REEP3: variants seen among roughly 807,000 people sequenced by gnomAD.
REEP3 encodes receptor accessory protein 3.
In REEP3, 20 loss-of-function variants were observed where a neutral mutation model predicts 41.3. That is an observed-to-expected ratio of 0.48 (90% CI 0.34 to 0.70). REEP3 has a LOEUF of 0.70. Among genes scored for constraint, REEP3 ranks in the 30% least tolerant of loss-of-function variants. The pLI is 0.01. For missense variants in REEP3, 271 were observed against 308.8 expected (o/e 0.88, Z 0.92); for synonymous variants, 104 against 101.8 (o/e 1.02, Z -0.13).
At chr10:63,547,043 T>G (rs1387543332) in intron 1 of REEP3, among the ~76,000 whole-genome samples, 1 of 152,080 alleles carries the variant, frequency 6.6e-6, no homozygotes, top group Non-Finnish European at 1.5e-5. Context: ...TGCCTCAGCC[T>G]CCCAAGTAGC....
At chr10:63,540,093 A>ATGTT (rs1200059144) in intron 1 of REEP3, among the ~76,000 whole-genome samples, 1 of 152,236 alleles carries the variant, frequency 6.6e-6, no homozygotes, top group Admixed American at 6.5e-5. Flanking sequence ...CTTAACAGTA[A>ATGTT]GCAACATTAG....
chr10:63,546,595 G>C (rs906244686), intron 1 of REEP3, among the ~76,000 whole-genome samples: 2 of 152,162 alleles, frequency 1.3e-5, no homozygotes, highest in Non-Finnish European at 2.9e-5. Flanking sequence ...AGTGGAATAA[G>C]TTACTTATAT....
chr10:63,537,266 A>G (rs1337438630), intron 1 of REEP3, among the ~76,000 whole-genome samples: 1 of 152,198 alleles, frequency 6.6e-6, no homozygotes, highest in Non-Finnish European at 1.5e-5. Flanking sequence ...ATGATTACCT[A>G]TGGTATGATA....
chr10:63,610,046 C>A, intron 5 of REEP3, 141 bp from the exon 6 acceptor site: 1 of 645,832 alleles, frequency 1.5e-6, no homozygotes, highest in Non-Finnish European at 2.5e-6. Context: ...AAGCAGATAC[C>A]GCAAAATGTA....
At chr10:63,533,525 C>T (rs1203404657) in intron 1 of REEP3, among the ~76,000 whole-genome samples, 3 of 151,768 alleles carry the variant, frequency 2.0e-5, no homozygotes, top group Non-Finnish European at 4.4e-5. Context: ...TTTCATCAAC[C>T]GTAGTTTTTT....
intron 1 of REEP3, among the ~76,000 whole-genome samples, chr10:63,545,016 A>G (rs1725346981): frequency 6.6e-6 from 1 of 152,104 alleles, no homozygotes; most frequent in African/African-American, 2.4e-5. Context: ...ATCATCTGCA[A>G]CTCTGGGGTA....
chr10:63,608,875 C>T (rs1448641914), intron 5 of REEP3, among the ~76,000 whole-genome samples: 1 of 152,106 alleles, frequency 6.6e-6, no homozygotes, highest in Non-Finnish European at 1.5e-5. Context: ...TGAAAAGTGG[C>T]TAGTGCAATT....
At chr10:63,529,445 T>TTTTA (rs1315315770) in intron 1 of REEP3, among the ~76,000 whole-genome samples, 2 of 143,504 alleles carry the variant, frequency 1.4e-5, no homozygotes, top group East Asian at 1.9e-4. Context: ...AATGTCATTC[T>TTTTA]TTTATTTATT....
intron 3 of REEP3, among the ~76,000 whole-genome samples, chr10:63,597,612 A>G (rs1056403316): frequency 6.6e-6 from 1 of 152,200 alleles, no homozygotes; most frequent in Non-Finnish European, 1.5e-5. Context: ...TGACTTTTAC[A>G]TTCAAAAACT....
intron 2 of REEP3, among the ~76,000 whole-genome samples, chr10:63,578,874 A>G (rs1025891251): frequency 2.0e-5 from 3 of 152,186 alleles, no homozygotes. Context: ...CACTGAATTC[A>G]TGTGTGCTTA....
At chr10:63,592,452 G>A (rs183391765) in intron 2 of REEP3, among the ~76,000 whole-genome samples, 4 of 152,024 alleles carry the variant, frequency 2.6e-5, no homozygotes, top group African/African-American at 9.7e-5. Flanking sequence ...TTTTGTTTTC[G>A]GTAAAGGGTT....
intron 6 of REEP3, among the ~76,000 whole-genome samples, chr10:63,612,747 C>T (rs896136645): frequency 7.9e-5 from 12 of 151,044 alleles, no homozygotes; most frequent in Admixed American, 1.3e-4. Flanking sequence ...GCCGAGATTG[C>T]GCCACTGTAG....
chr10:63,533,048 G>A (rs1038393477), intron 1 of REEP3, among the ~76,000 whole-genome samples: 3 of 152,188 alleles, frequency 2.0e-5, no homozygotes, highest in African/African-American at 7.2e-5. Context: ...TCCATATATT[G>A]AGGAAAACTT....
At chr10:63,536,623 T>C (rs1418490744) in intron 1 of REEP3, among the ~76,000 whole-genome samples, 1 of 151,756 alleles carries the variant, frequency 6.6e-6, no homozygotes, top group Admixed American at 6.6e-5. Context: ...ACTAATAAAG[T>C]ATAATAATCA....
intron 1 of REEP3, among the ~76,000 whole-genome samples, chr10:63,526,053 T>A (rs1955361659): frequency 6.6e-6 from 1 of 152,234 alleles, no homozygotes; most frequent in African/African-American, 2.4e-5. Flanking sequence ...CATGCTCTCC[T>A]AAAATCCCAG....
intron 2 of REEP3, among the ~76,000 whole-genome samples, chr10:63,594,265 G>T (rs1182534163): frequency 6.6e-6 from 1 of 151,436 alleles, no homozygotes; most frequent in African/African-American, 2.4e-5. Flanking sequence ...GTGCACACCT[G>T]TAGTCCCAGC....
At chr10:63,552,670 A>G (rs767929272) in intron 1 of REEP3, among the ~76,000 whole-genome samples, 53 of 152,138 alleles carry the variant, frequency 3.5e-4, no homozygotes, top group Non-Finnish European at 6.8e-4. Flanking sequence ...AATCACTTGT[A>G]TATGTTTCTT....
At chr10:63,553,957 C>G (rs553990497) in intron 1 of REEP3, among the ~76,000 whole-genome samples, 4 of 152,160 alleles carry the variant, frequency 2.6e-5, no homozygotes, top group Admixed American at 2.0e-4. Flanking sequence ...AAAAAATTAG[C>G]TGGGCGTGGT....
intron 6 of REEP3, among the ~76,000 whole-genome samples, chr10:63,618,125 T>G (rs1288015399): frequency 6.6e-6 from 1 of 150,468 alleles, no homozygotes. Flanking sequence ...TGCGCCTGGC[T>G]GTAAGTCCTT....
Sources: gnomAD v4.1 joint callset for allele counts (sites outside exome capture counted in the v4.1 genomes callset) on GRCh38, gnomAD v4.1.1 for gene constraint, MANE v1.5 for transcripts, NCBI Gene and HGNC (gene_info 2026-07-23, HGNC 2026-07-21) for gene names.